Variants in NTM observed in about 807,000 individuals in gnomAD.
The protein encoded by NTM is IgLON family member 2.
In NTM, 13 loss-of-function variants were observed where a neutral mutation model predicts 42.1. The observed-to-expected ratio is 0.31, with a 90% CI of 0.20 to 0.49. The LOEUF (loss-of-function observed/expected upper bound fraction) is 0.49. Among genes scored for constraint, NTM ranks in the 20% least tolerant of loss-of-function variants. NTM has a pLI of 0.99. For synonymous variants in NTM, 187 were observed against 179.2 expected (o/e 1.04, Z -0.35); for missense variants, 373 against 452.8 (o/e 0.82, Z 1.60).
At chr11:131,934,200 CT>C (rs1388894389) in intron 2 of NTM, among the ~76,000 whole-genome samples, 2 of 152,112 alleles carry the variant, frequency 1.3e-5, no homozygotes, top group Non-Finnish European at 2.9e-5. Context: ...CATCTTTGAC[CT>C]TTTTTTCCTG....
At chr11:131,918,677 A>G (rs185323140) in intron 2 of NTM, among the ~76,000 whole-genome samples, 1 of 152,140 alleles carries the variant, frequency 6.6e-6, no homozygotes, top group East Asian at 1.9e-4. Context: ...CTTCATTGCC[A>G]AGTTCCTCTC....
intron 7 of NTM, 83 bp downstream of exon 7, chr11:132,314,786 G>C: frequency 6.8e-7 from 1 of 1,478,764 alleles, no homozygotes; most frequent in Non-Finnish European, 8.9e-7. Context: ...CTCAAGGCCA[G>C]GGTCAGAGGT....
At chr11:131,441,169 C>A (rs1565503356) in intron 1 of NTM, among the ~76,000 whole-genome samples, 1 of 152,156 alleles carries the variant, frequency 6.6e-6, no homozygotes, top group Admixed American at 6.5e-5. Flanking sequence ...GTCTTTCTTT[C>A]CTATATTAAG....
intron 2 of NTM, among the ~76,000 whole-genome samples, chr11:132,095,636 A>G (rs1265517657): frequency 1.3e-5 from 2 of 152,176 alleles, no homozygotes; most frequent in Non-Finnish European, 2.9e-5. Flanking sequence ...GTCGGCATGC[A>G]TGTCCAAAAA....
rs1368448145 is a variant in NTM at position 131,458,121 on chromosome 11, G to A, written c.82+87233G>A. ...GAGAGGGAAGAAGTTTGATTACTGA[G>A]CCTGGAGTTACTCCAATACTCAGCA... On this transcript the variant is annotated intron_variant, in intron 1 of 8. Coordinates refer to ENST00000683400, the MANE Select transcript of NTM (RefSeq NM_001352005.2). Among the ~76,000 whole-genome samples, 3 of 152,202 alleles carry A rather than the reference G, an allele frequency of 2.0e-5. No homozygotes were observed. In the East Asian group the frequency reaches 5.8e-4, roughly 29 times the overall value.
intron 1 of NTM, among the ~76,000 whole-genome samples, chr11:131,479,524 G>C (rs552137637): frequency 2.0e-5 from 3 of 152,302 alleles, no homozygotes; most frequent in African/African-American, 7.2e-5. Context: ...AAGAGAAAAA[G>C]GAGGCTGCAG....
intron 1 of NTM, among the ~76,000 whole-genome samples, chr11:131,655,163 G>T (rs994087508): frequency 6.6e-6 from 1 of 152,196 alleles, no homozygotes; most frequent in South Asian, 2.1e-4. Flanking sequence ...AGGATTCTGA[G>T]GTGATGGGGT....
rs145602632 is a variant in NTM at position 132,104,294 on chromosome 11, T to C, written c.168-41988T>C. On this transcript the variant is annotated intron_variant, in intron 2 of 8. Transcript: ENST00000683400. Reference sequence around the variant, plus strand: ...ATTTACAGTAGAAATTTTTGAGTGATGAGATTATAGGATAATTTCCCTCCT... The same window carrying C: ...ATTTACAGTAGAAATTTTTGAGTGACGAGATTATAGGATAATTTCCCTCCT... 2.6e-3 allele frequency among the ~76,000 whole-genome samples: 402 copies of C among 152,296 alleles called. 5 individuals are homozygous for C. Among genetic ancestry groups the C allele is most frequent in the African/African-American group, 9.0e-3 (376 of 41,566 alleles).
At chr11:131,647,108 C>G (rs1294235719) in intron 1 of NTM, among the ~76,000 whole-genome samples, 2 of 152,178 alleles carry the variant, frequency 1.3e-5, no homozygotes, top group Non-Finnish European at 2.9e-5. Flanking sequence ...ATCTTAAATC[C>G]CACACGTTTT....
At chr11:131,543,621 C>T (rs2053561759) in intron 1 of NTM, among the ~76,000 whole-genome samples, 1 of 152,210 alleles carries the variant, frequency 6.6e-6, no homozygotes, top group African/African-American at 2.4e-5. Flanking sequence ...AGCCTGCTAG[C>T]AGCTCCCACA....
intron 2 of NTM, among the ~76,000 whole-genome samples, chr11:132,001,977 A>G (rs1207649697): frequency 6.6e-6 from 1 of 152,182 alleles, no homozygotes; most frequent in Non-Finnish European, 1.5e-5. Context: ...AATGGGTAAG[A>G]TATGGAGAGG....
intron 3 of NTM, among the ~76,000 whole-genome samples, chr11:132,162,306 G>C (rs373777380): frequency 6.6e-6 from 1 of 151,508 alleles, no homozygotes; most frequent in Non-Finnish European, 1.5e-5. Context: ...TGTGAAGAGC[G>C]TGTATGTGGG....
rs545974762 is a variant in NTM at position 132,057,972 on chromosome 11, C to T, written c.168-88310C>T. On this transcript the variant is annotated intron_variant, in intron 2 of 8. Coordinates refer to ENST00000683400, the MANE Select transcript of NTM (RefSeq NM_001352005.2). ...TCCTTTTTCACAAGTCTGTGCTTGT[C>T]TCATAACTCCTAGCCTTGTTCATGA... Among the ~76,000 whole-genome samples the T allele has an allele frequency of 9.9e-5, 15 of 152,254 alleles. No homozygotes were observed. In the South Asian group the frequency reaches 2.9e-3, roughly 30 times the overall value.
At chr11:132,052,143 G>T (rs557405703) in intron 2 of NTM, among the ~76,000 whole-genome samples, 22 of 152,188 alleles carry the variant, frequency 1.4e-4, no homozygotes, top group Non-Finnish European at 2.2e-4. Flanking sequence ...TATGTGACTG[G>T]TTTAGAAAAT....
At chr11:132,334,207 C>T (rs1019785192) in intron 8 of NTM, among the ~76,000 whole-genome samples, 4 of 152,230 alleles carry the variant, frequency 2.6e-5, no homozygotes, top group Admixed American at 2.0e-4. Flanking sequence ...AGCCAGAAAA[C>T]GTATGTTTCA....
intron 1 of NTM, among the ~76,000 whole-genome samples, chr11:131,797,501 C>A (rs1256620713): frequency 1.3e-5 from 2 of 152,122 alleles, no homozygotes; most frequent in African/African-American, 4.8e-5. Flanking sequence ...ACAAATGGGA[C>A]CTGTGCAAAG....
At chr11:132,147,553 T>A (rs1214019589) in intron 3 of NTM, among the ~76,000 whole-genome samples, 1 of 30,074 alleles carries the variant, frequency 3.3e-5, no homozygotes, top group Admixed American at 2.0e-4. Flanking sequence ...CTATGGAGCT[T>A]TCTTTTCTCT....
At chr11:131,875,704 G>A (rs1360678205) in intron 1 of NTM, among the ~76,000 whole-genome samples, 2 of 152,212 alleles carry the variant, frequency 1.3e-5, no homozygotes, top group Non-Finnish European at 2.9e-5. Context: ...AAGGCTTTTG[G>A]TAATGACGAC....
intron 2 of NTM, among the ~76,000 whole-genome samples, chr11:131,998,291 G>T (rs563329452): frequency 6.6e-6 from 1 of 152,274 alleles, no homozygotes; most frequent in Non-Finnish European, 1.5e-5. Context: ...CCACTGATTG[G>T]CTGCTCAGCA....
Sources: gnomAD v4.1 joint callset for allele counts (sites outside exome capture counted in the v4.1 genomes callset) on GRCh38, gnomAD v4.1.1 for gene constraint, MANE v1.5 for transcripts, NCBI Gene and HGNC (gene_info 2026-07-23, HGNC 2026-07-21) for gene names.